PKHD1L1: variants seen among roughly 807,000 people sequenced by gnomAD.
PKHD1L1 encodes the protein fibrocystin-L.
A neutral mutation model predicts 462.9 loss-of-function variants in PKHD1L1; 434 were observed. The ratio of observed to expected loss-of-function variants is 0.94; its 90% CI spans 0.87 to 1.02. The LOEUF (loss-of-function observed/expected upper bound fraction) is 1.02. PKHD1L1 is among the 50% of genes least tolerant of loss of function. The pLI, the probability that PKHD1L1 is intolerant of heterozygous loss-of-function variation, is 0.00. For missense variants in PKHD1L1, 5,202 were observed against 5,096.1 expected, an observed-to-expected ratio of 1.02 and a Z score of -0.63; for synonymous variants, 1,781 against 1,750.0, an observed-to-expected ratio of 1.02 and a Z score of -0.44.
chr8:109,472,253 T>TA (rs201319078), intron 50 of PKHD1L1, among the ~76,000 whole-genome samples: 1 of 151,912 alleles, frequency 6.6e-6, no homozygotes, highest in South Asian at 2.1e-4. Context: ...AAGTTAAACA[T>TA]AAAAAAAATA....
At chr8:109,479,435 T>A in intron 53 of PKHD1L1, 116 bp from the exon 54 acceptor site, 1 of 704,772 alleles carries the variant, frequency 1.4e-6, no homozygotes, top group Admixed American at 2.7e-5. Flanking sequence ...AGCGTGCATT[T>A]TTTTTCTTCT....
At position 109,489,993 on chromosome 8, in the gene PKHD1L1, C is replaced by A; in HGVS notation, c.9922C>A (p.Gln3308Lys). 1 of 1,608,820 alleles carries A rather than the reference C, an allele frequency of 6.2e-7. No homozygotes were observed. Among genetic ancestry groups the A allele is most frequent in the South Asian group, 1.1e-5 (1 of 90,772 alleles). ...TAATGTGGAATTTTATCACAGTGGT[C>A]AAGAAGGCTTCAGGGATAGCACAGA... The part of the protein sequence containing the change: ...ISNVEFYHSG[Q>K]EGFRDSTDPR... The change falls in exon 60 of 78, where the codon CAA (glutamine) becomes AAA (lysine). Residue 3308 changes from glutamine (Q) to lysine (K), a missense_variant. Around this residue, in one of 3 missense-constraint regions of PKHD1L1, gnomAD observed 4,497 missense variants for 4,336.8 expected, o/e 1.04. Coordinates refer to ENST00000378402, the MANE Select transcript of PKHD1L1 (RefSeq NM_177531.6).
At chr8:109,425,009 G>T in intron 23 of PKHD1L1, 76 bp from the exon 24 acceptor site, 1 of 1,225,880 alleles carries the variant, frequency 8.2e-7, no homozygotes, top group Non-Finnish European at 1.1e-6. Flanking sequence ...TCACAGGATT[G>T]TACCATGATG....
Position 109,475,134 on chromosome 8 carries a change from A to T in PKHD1L1, c.8622A>T (p.Pro2874=). ...CTCCTATAGGCACAAGCATTATTCC[A>T]TTTCAGAAGAAACGACTGACTCATA... is the stretch of plus-strand genomic sequence containing the variant. The part of the protein sequence containing the change: ...LSDSFGTSII[P]FQKKRLTHMS... Residue 2874 remains proline (P), a synonymous_variant, in exon 51 of 78, where the codon CCA becomes CCT. Coordinates refer to ENST00000378402, the MANE Select transcript of PKHD1L1 (RefSeq NM_177531.6). 1 of 1,609,096 alleles carries T rather than the reference A, an allele frequency of 6.2e-7. No individual in the cohort carries two copies. The highest frequency in any genetic ancestry group is 1.1e-5 in the South Asian group (1 of 90,382).
At chr8:109,511,397 A>G (rs1819973094) in intron 71 of PKHD1L1, among the ~76,000 whole-genome samples, 1 of 124,948 alleles carries the variant, frequency 8.0e-6, no homozygotes, top group Admixed American at 1.0e-4. Flanking sequence ...TCCTGTGTCC[A>G]TGTGTTCTCA....
intron 50 of PKHD1L1, among the ~76,000 whole-genome samples, chr8:109,473,529 A>AT (rs1817832676): frequency 6.6e-6 from 1 of 151,072 alleles, no homozygotes; most frequent in Non-Finnish European, 1.5e-5. Flanking sequence ...AAAAAAAAAA[A>AT]AGAAAAGAAA....
intron 70 of PKHD1L1, among the ~76,000 whole-genome samples, chr8:109,509,142 T>A (rs1250813744): frequency 6.6e-6 from 1 of 152,036 alleles, no homozygotes; most frequent in Non-Finnish European, 1.5e-5. Flanking sequence ...TCAGGAGTAT[T>A]CCAAAGTTTC....
At position 109,526,974 on chromosome 8, in the gene PKHD1L1, C is replaced by T; in HGVS notation, c.12675C>T (p.Leu4225=). 6.2e-7 allele frequency: 1 copy of T among 1,613,678 alleles called. No homozygotes were observed. Among genetic ancestry groups the T allele is most frequent in the Non-Finnish European group, 8.5e-7 (1 of 1,179,772 alleles). ...VISCLVGRMW[L]LEIFMAAVST... is the part of the protein sequence containing the mutation. ...GCTGTCTGGTTGGAAGAATGTGGCTCTTGGAAATATTTATGGCTGCAGTTT... is the reference window on the plus strand; with the variant it reads ...GCTGTCTGGTTGGAAGAATGTGGCTTTTGGAAATATTTATGGCTGCAGTTT... The change falls in exon 77 of 78, where the codon CTC becomes CTT. Residue 4225 remains leucine, a synonymous_variant. Coordinates refer to ENST00000378402, the MANE Select transcript of PKHD1L1 (RefSeq NM_177531.6).
rs373939886 is a variant in PKHD1L1 at position 109,466,744 on chromosome 8, G to A, written c.8580G>A (p.Lys2860=). Residue 2860 remains lysine, a synonymous_variant, in exon 50 of 78, where the codon AAG becomes AAA. Transcript: ENST00000378402. ...NQPSPVSLLE[K]DVVLSDSFGT... ...CTTCTCCAGTATCTCTGCTTGAAAA[G>A]GATGTGGTTCTTTCAGACTCTTTTG... 2.4e-5 allele frequency: 38 copies of A among 1,612,370 alleles called. No homozygotes were observed. The highest frequency in any genetic ancestry group is 3.1e-5 in the Non-Finnish European group (36 of 1,179,392).
chr8:109,417,590 T>G (rs1449339524), intron 21 of PKHD1L1, among the ~76,000 whole-genome samples: 1 of 152,112 alleles, frequency 6.6e-6, no homozygotes, highest in Admixed American at 6.5e-5. Flanking sequence ...GTTGCCAAGG[T>G]TGGAGTGCAG....
At chr8:109,482,912 A>G in intron 56 of PKHD1L1, 75 bp from the exon 57 acceptor site, 4 of 831,572 alleles carry the variant, frequency 4.8e-6, no homozygotes, top group Non-Finnish European at 7.1e-6. Flanking sequence ...TATATCAATG[A>G]ACATTTTCAT....
intron 56 of PKHD1L1, among the ~76,000 whole-genome samples, chr8:109,482,301 A>C (rs1308696002): frequency 6.6e-6 from 1 of 151,876 alleles, no homozygotes; most frequent in Non-Finnish European, 1.5e-5. Context: ...AAATGTCCTG[A>C]GGCAGACAAA....
At chr8:109,489,835 G>A (rs1818741263) in intron 59 of PKHD1L1, 117 bp from the exon 60 acceptor site, 1 of 692,230 alleles carries the variant, frequency 1.4e-6, no homozygotes, top group Non-Finnish European at 2.6e-6. Flanking sequence ...CTGGATTAAA[G>A]GAGCAAAGAA....
intron 36 of PKHD1L1, 94 bp from the exon 37 acceptor site, chr8:109,443,582 C>A (rs1240285273): frequency 3.0e-6 from 3 of 998,076 alleles, no homozygotes; most frequent in Admixed American, 2.9e-5. Flanking sequence ...AGAATTTAAA[C>A]CATCATCATC....
At chr8:109,418,772 T>C (rs1202050202) in intron 21 of PKHD1L1, among the ~76,000 whole-genome samples, 4 of 152,204 alleles carry the variant, frequency 2.6e-5, no homozygotes. Flanking sequence ...TGTCTTGTTT[T>C]GTTAATATGC....
chr8:109,530,842 G>A lies in PKHD1L1; in HGVS notation c.*752G>A, dbSNP rs1388872117. 6.6e-6 allele frequency among the ~76,000 whole-genome samples: 1 copy of A among 152,130 alleles called. No individual in the cohort carries two copies. Among genetic ancestry groups the A allele is most frequent in the African/African-American group, 2.4e-5 (1 of 41,436 alleles). On this transcript the variant is annotated 3_prime_UTR_variant, in exon 78 of 78. Coordinates refer to ENST00000378402, the MANE Select transcript of PKHD1L1 (RefSeq NM_177531.6). ...CCCGGGCATGAGTTGAGGGTTGAGG[G>A]GTTCCCTTAACTGGTGGATGCTTAT...
intron 42 of PKHD1L1, 27 bp downstream of exon 42, chr8:109,452,307 C>G (rs767385832): frequency 1.3e-6 from 2 of 1,509,588 alleles, no homozygotes; most frequent in African/African-American, 2.8e-5. Flanking sequence ...GTATAGTAAT[C>G]ACAGCAATAG....
chr8:109,480,779 C>T (rs1052135796), intron 55 of PKHD1L1: 3 of 274,956 alleles, frequency 1.1e-5, no homozygotes, highest in Non-Finnish European at 2.2e-5. Flanking sequence ...GAATAAAGTC[C>T]AGAAACTTGG....
intron 24 of PKHD1L1, 150 bp downstream of exon 24, chr8:109,425,382 A>C: frequency 2.1e-6 from 1 of 481,678 alleles, no homozygotes; most frequent in Non-Finnish European, 3.3e-6. Context: ...TAAATATGTG[A>C]TATATTAAAG....
Sources: gnomAD v4.1 joint callset for allele counts (sites outside exome capture counted in the v4.1 genomes callset) on GRCh38, gnomAD v4.1.1 for gene constraint, gnomAD v4.1.1 regional missense constraint, MANE v1.5 for transcripts, NCBI Gene and HGNC (gene_info 2026-07-23, HGNC 2026-07-21) for gene names.